UBXN6: variants seen among roughly 807,000 people sequenced by gnomAD.
UBXN6 encodes UBX domain-containing protein 6.
Under a neutral mutation model 51.4 loss-of-function variants are expected in UBXN6, and 44 were observed. The observed-to-expected ratio is 0.86, with a 90% confidence interval of 0.67 to 1.10. The LOEUF (loss-of-function observed/expected upper bound fraction) is 1.10. UBXN6 is among the 50% of genes least tolerant of loss of function. The pLI is 0.00. For missense variants in UBXN6, 672 were observed against 596.1 expected, an observed-to-expected ratio of 1.13 and a Z score of -1.32; for synonymous variants, 316 against 263.2, an observed-to-expected ratio of 1.20 and a Z score of -1.94.
intron 2 of UBXN6, 76 bp downstream of exon 2, chr19:4,453,854 C>G: frequency 1.9e-6 from 3 of 1,548,922 alleles, no homozygotes; most frequent in Non-Finnish European, 2.6e-6. Flanking sequence ...CATGTGACTT[C>G]TGCATCCAGG....
intron 3 of UBXN6, among the ~76,000 whole-genome samples, chr19:4,452,801 C>G (rs1334444117): frequency 6.6e-6 from 1 of 152,164 alleles, no homozygotes; most frequent in African/African-American, 2.4e-5. Context: ...TGGTCCTGTC[C>G]CCAAGCTGTT....
Position 4,447,659 on chromosome 19 carries a change from C to A in UBXN6, c.540-34G>T, listed in dbSNP as rs747762509. On this transcript the variant is annotated intron_variant, in intron 5 of 10. Coordinates refer to ENST00000301281, the MANE Select transcript of UBXN6 (RefSeq NM_025241.3). ...GGTGGAGAAGGTGAGTGGGGCACAG[C>A]CCAGGCTGCCCACCCGGCCCCTCTG... 3.7e-6 allele frequency: 6 copies of A among 1,609,384 alleles called. No individual in the cohort carries two copies. In the South Asian group the frequency reaches 6.6e-5, roughly 18 times the overall value.
chr19:4,445,915 G>T (rs1568187600), intron 10 of UBXN6, 134 bp downstream of exon 10: 1 of 1,403,216 alleles, frequency 7.1e-7, no homozygotes, highest in Non-Finnish European at 9.5e-7. Flanking sequence ...GGGAAAGCAG[G>T]ATTCAAACCC....
chr19:4,447,375 C>A, intron 6 of UBXN6, 175 bp downstream of exon 6: 1 of 651,600 alleles, frequency 1.5e-6, no homozygotes, highest in South Asian at 1.8e-5. Flanking sequence ...GCATAAAAGT[C>A]TTGCTCTCCA....
chr19:4,451,172 TCA>T (rs1435765530), intron 4 of UBXN6, among the ~76,000 whole-genome samples: 2 of 152,216 alleles, frequency 1.3e-5, no homozygotes, highest in African/African-American at 4.8e-5. Context: ...TTCTCCTGCC[TCA>T]GTCTCCTGAG....
At chr19:4,446,028 C>G (rs1974505258) in intron 10 of UBXN6, 21 bp downstream of exon 10, 2 of 1,598,062 alleles carry the variant, frequency 1.3e-6, no homozygotes, top group Non-Finnish European at 1.7e-6. Flanking sequence ...GTCAGCGGTG[C>G]TCCTGCGGGC....
At position 4,452,671 on chromosome 19, in the gene UBXN6, C is replaced by T. The variant is rs559623473; in HGVS notation, c.313-179G>A. On this transcript the variant is annotated intron_variant, in intron 3 of 10. Coordinates refer to ENST00000301281, the MANE Select transcript of UBXN6 (RefSeq NM_025241.3). ...AAGTGACCGGATCCCCGAGTCTTTT[C>T]CCTGGTATGTCAAATGTCCCTGTGG... is the stretch of plus-strand genomic sequence containing the variant. Among the ~76,000 whole-genome samples, 13 of 152,322 alleles carry T rather than the reference C, an allele frequency of 8.5e-5. No homozygotes were observed. The South Asian group carries it at 2.7e-3, about 32-fold the overall frequency.
intron 1 of UBXN6, among the ~76,000 whole-genome samples, chr19:4,454,604 A>T (rs2145189057): frequency 6.6e-6 from 1 of 152,160 alleles, no homozygotes; most frequent in East Asian, 1.9e-4. Context: ...TTCTATCGAG[A>T]CAGGGTCTCG....
At chr19:4,446,471 CCACT>C in intron 8 of UBXN6, 25 bp downstream of exon 8, 3 of 1,593,032 alleles carry the variant, frequency 1.9e-6, no homozygotes, top group Non-Finnish European at 2.6e-6. Context: ...CCGCCCCGCC[CCACT>C]CTGCTCCGCG....
intron 4 of UBXN6, among the ~76,000 whole-genome samples, chr19:4,452,148 CAAAAA>C (rs558870909): frequency 2.9e-5 from 3 of 103,984 alleles, no homozygotes; most frequent in Non-Finnish European, 6.1e-5. Context: ...GACTCCATCT[CAAAAA>C]AAAAAAAAAA....
Position 4,454,030 on chromosome 19 carries a change from G to A in UBXN6, c.147C>T (p.Thr49=), listed in dbSNP as rs1333425858. 1 of 1,601,646 alleles carries A rather than the reference G, an allele frequency of 6.2e-7. No homozygotes were observed. Among genetic ancestry groups the A allele is most frequent in the Non-Finnish European group, 8.5e-7 (1 of 1,176,150 alleles). Residue 49 remains threonine, a synonymous_variant, in exon 2 of 11, where the codon ACC becomes ACT. Coordinates refer to ENST00000301281, the MANE Select transcript of UBXN6 (RefSeq NM_025241.3). ...PAPRPPRQGP[T]NEAQMAAAAA... ...CAGCGGCTGCCATCTGTGCCTCATT[G>A]GTGGGTCCCTGGCGGGGCGGCCTGG...
chr19:4,445,151 A>C lies in UBXN6; in HGVS notation c.*347T>G, dbSNP rs1054725255. Reference sequence around the variant, plus strand: ...GTGCAGCCACTGCCACCCACGGCACACGGGAACAGGACCCATGCTGCAGGC... The same window carrying C: ...GTGCAGCCACTGCCACCCACGGCACCCGGGAACAGGACCCATGCTGCAGGC... On this transcript the variant is annotated 3_prime_UTR_variant, in exon 11 of 11. Coordinates refer to ENST00000301281, the MANE Select transcript of UBXN6 (RefSeq NM_025241.3). 3.7e-6 allele frequency: 1 copy of C among 273,884 alleles called. No homozygotes were observed. Among genetic ancestry groups the C allele is most frequent in the South Asian group, 4.2e-5 (1 of 23,702 alleles). The allele number at this position is 273,884 out of a possible 1,614,324, so 17.0% of individuals were successfully genotyped here.
chr19:4,448,732 C>A, intron 4 of UBXN6: 1 of 370,886 alleles, frequency 2.7e-6, no homozygotes, highest in South Asian at 2.8e-5. Context: ...TAGAACTCGA[C>A]CTCAGTGCTG....
intron 2 of UBXN6, 102 bp from the exon 3 acceptor site, chr19:4,453,624 A>C (rs1599680606): frequency 1.5e-6 from 2 of 1,367,632 alleles, no homozygotes; most frequent in Non-Finnish European, 2.0e-6. Context: ...GGGGCCACGC[A>C]CACCGCCCCA....
chr19:4,453,545 G>A, intron 2 of UBXN6, 23 bp from the exon 3 acceptor site: 1 of 1,612,104 alleles, frequency 6.2e-7, no homozygotes, highest in Admixed American at 1.7e-5. Flanking sequence ...CCAAGAAAGA[G>A]AGGCAGAGAC....
intron 1 of UBXN6, 35 bp downstream of exon 1, chr19:4,457,580 C>T: frequency 1.3e-6 from 2 of 1,569,276 alleles, no homozygotes; most frequent in Non-Finnish European, 8.6e-7. Context: ...CGTCCCCGCC[C>T]CGCAGGGCCT....
chr19:4,450,541 G>A (rs915150278), intron 4 of UBXN6: 10 of 152,068 alleles, frequency 6.6e-5, no homozygotes, highest in Admixed American at 3.3e-4. Flanking sequence ...GGCGGATCAC[G>A]AGGTCAGGAG....
chr19:4,453,557 G>A lies in UBXN6; in HGVS notation c.248-35C>T, dbSNP rs776855886. On this transcript the variant is annotated intron_variant, in intron 2 of 10. Coordinates refer to ENST00000301281, the MANE Select transcript of UBXN6 (RefSeq NM_025241.3). The stretch of plus-strand genomic sequence containing the variant: ...AGCCCAAGAAAGAGAGGCAGAGACG[G>A]GATAGTGAGCACGCCGCTGTCCTGG... 8.1e-6 allele frequency: 13 copies of A among 1,608,970 alleles called. No individual in the cohort carries two copies. In the East Asian group the frequency reaches 2.9e-4, roughly 36 times the overall value.
In UBXN6 at chr19:4,448,483, G is replaced by GT. The variant is rs1487966806; in HGVS notation, c.442-69dup. ...GGCCGCACGGCCCTCCGCTGCCCAG[G>GT]TAACAGGGGCAGGAAAAGGAAGGCA... On this transcript the variant is annotated intron_variant, in intron 4 of 10. Transcript: ENST00000301281. The GT allele has an allele frequency of 5.4e-6, 7 of 1,301,106 alleles. No homozygotes were observed. In the African/African-American group the frequency reaches 1.0e-4, roughly 19 times the overall value. The allele number at this position is 1,301,106 out of a possible 1,614,324, so 80.6% of individuals were successfully genotyped here. A position where few individuals can be genotyped will look rare whatever the true frequency, so the allele number is the denominator to read the frequency against.
Sources: gnomAD v4.1 joint callset for allele counts (sites outside exome capture counted in the v4.1 genomes callset) on GRCh38, gnomAD v4.1.1 for gene constraint, MANE v1.5 for transcripts, NCBI Gene and HGNC (gene_info 2026-07-23, HGNC 2026-07-21) for gene names.